The following TBCD variants were observed in gnomAD, a reference collection of about 807,000 sequenced individuals.
TBCD encodes the protein tubulin-specific chaperone D.
A neutral mutation model predicts 169.3 loss-of-function variants in TBCD; 105 were observed. That is an observed-to-expected ratio of 0.62 (90% CI 0.53 to 0.73). The LOEUF (loss-of-function observed/expected upper bound fraction) is 0.73. Ranked by LOEUF, TBCD falls within the 30% of genes least tolerant of loss-of-function variation. TBCD has a pLI of 0.00. For missense variants in TBCD, 1,444 were observed against 1,600.1 expected (o/e 0.90, Z 1.66); for synonymous variants, 700 against 643.9 (o/e 1.09, Z -1.32).
chr17:82,910,567 A>C lies in TBCD; in HGVS notation c.2007-1191A>C, dbSNP rs551197071. On this transcript the variant is annotated intron_variant, in intron 22 of 38. Transcript: ENST00000355528. Reference sequence around the variant, plus strand: ...CTGTGGTTCACTTTTCTTTTCTCTTAGTGACTTTTTTTTTTTGGAGAAGCA... The same window carrying C: ...CTGTGGTTCACTTTTCTTTTCTCTTCGTGACTTTTTTTTTTTGGAGAAGCA... Among the ~76,000 whole-genome samples the C allele has an allele frequency of 2.0e-5, 3 of 149,772 alleles. No individual in the cohort carries two copies. The South Asian group carries it at 6.4e-4, about 32-fold the overall frequency.
intron 17 of TBCD, among the ~76,000 whole-genome samples, chr17:82,900,168 C>G (rs903589335): frequency 6.6e-6 from 1 of 152,338 alleles, no homozygotes; most frequent in South Asian, 2.1e-4. Context: ...GGAGCCCCCC[C>G]ATGTCTGCTC....
intron 14 of TBCD, among the ~76,000 whole-genome samples, chr17:82,872,412 C>T (rs1198583637): frequency 6.6e-6 from 1 of 152,202 alleles, no homozygotes; most frequent in East Asian, 1.9e-4. Flanking sequence ...TGCTGGTGGT[C>T]TTCAGGGAGC....
intron 13 of TBCD, among the ~76,000 whole-genome samples, chr17:82,855,223 G>A (rs1428608902): frequency 3.5e-5 from 5 of 144,224 alleles, no homozygotes; most frequent in Non-Finnish European, 6.0e-5. Context: ...GAGGGGCAGG[G>A]AAAGGTGTTT....
intron 13 of TBCD, among the ~76,000 whole-genome samples, chr17:82,817,305 T>TG (rs994641017): frequency 6.6e-6 from 1 of 151,876 alleles, no homozygotes; most frequent in Admixed American, 6.5e-5. Context: ...AACTTTTTTT[T>TG]CTTTTTTTGA....
chr17:82,870,521 C>A, intron 14 of TBCD, 141 bp downstream of exon 14: 1 of 1,151,054 alleles, frequency 8.7e-7, no homozygotes, highest in African/African-American at 1.6e-5. Flanking sequence ...ACAAAGCCAC[C>A]GCTTGGAGGT....
chr17:82,811,649 C>T (rs1209398142), intron 12 of TBCD, among the ~76,000 whole-genome samples: 2 of 152,028 alleles, frequency 1.3e-5, no homozygotes, highest in Admixed American at 6.6e-5. Flanking sequence ...CATAAAAAGG[C>T]GGCTCTGGAC....
intron 12 of TBCD, among the ~76,000 whole-genome samples, chr17:82,813,065 C>T (rs996864896): frequency 1.4e-5 from 2 of 141,618 alleles, no homozygotes; most frequent in Middle Eastern, 7.4e-3. Flanking sequence ...TCAAGCAGTC[C>T]TCTTGCCTCG....
intron 14 of TBCD, among the ~76,000 whole-genome samples, chr17:82,883,146 G>A (rs1014603445): frequency 3.9e-4 from 59 of 152,248 alleles, no homozygotes; most frequent in Non-Finnish European, 1.2e-4. Flanking sequence ...ATGTTGACGC[G>A]GGCCCCGCCC....
In TBCD at chr17:82,923,817, C is replaced by G; in HGVS notation, c.2260+84C>G. The G allele has an allele frequency of 8.4e-7, 1 of 1,191,260 alleles. No homozygotes were observed. Among genetic ancestry groups the G allele is most frequent in the Non-Finnish European group, 1.2e-6 (1 of 842,246 alleles). The allele number at this position is 1,191,260 out of a possible 1,614,324, so 73.8% of individuals were successfully genotyped here. A position where few individuals can be genotyped will look rare whatever the true frequency, so the allele number is the denominator to read the frequency against. ...GAGTGTCTGGGCACGGAGGAGGCCT[C>G]GGTTGTGCAGTGGAGCAGAGCCACC... is the stretch of plus-strand genomic sequence containing the variant. On this transcript the variant is annotated intron_variant, in intron 26 of 38. Coordinates refer to ENST00000355528, the MANE Select transcript of TBCD (RefSeq NM_005993.5). This position sits in a 1 kb window ranked among gnomAD's most constrained non-coding sequence, Gnocchi z 4.6.
chr17:82,904,144 T>G (rs1300213615), intron 19 of TBCD, among the ~76,000 whole-genome samples: 1 of 120,122 alleles, frequency 8.3e-6, no homozygotes, highest in Non-Finnish European at 1.8e-5. Context: ...ACGACACTCC[T>G]TGGTCTCTAG....
At chr17:82,814,001 A>G (rs768539320) in intron 12 of TBCD, among the ~76,000 whole-genome samples, 3 of 152,216 alleles carry the variant, frequency 2.0e-5, no homozygotes, top group Non-Finnish European at 4.4e-5. Flanking sequence ...TTTCCTAAAC[A>G]TTTATTTGCT....
intron 13 of TBCD, chr17:82,865,366 C>G: frequency 4.0e-6 from 3 of 753,122 alleles, no homozygotes; most frequent in Non-Finnish European, 4.9e-6. Flanking sequence ...AGGCTCCACG[C>G]TGAGGGTCCC....
In TBCD at chr17:82,830,853, A is replaced by G. The variant is rs565229029; in HGVS notation, c.1318+15919A>G. The G allele has an allele frequency of 3.1e-6, 5 of 1,612,876 alleles. No homozygotes were observed. The Admixed American group carries it at 8.3e-5, about 27-fold the overall frequency. The stretch of plus-strand genomic sequence containing the variant: ...GAGAGGCGCTTCCGGTCGGAGCAGG[A>G]GGGTCTCCGTTCACAACATTGAGGC... On this transcript the variant is annotated intron_variant, in intron 13 of 38. Coordinates refer to ENST00000355528, the MANE Select transcript of TBCD (RefSeq NM_005993.5).
intron 13 of TBCD, among the ~76,000 whole-genome samples, chr17:82,852,512 A>G (rs186759653): frequency 1.5e-3 from 234 of 152,092 alleles, no homozygotes; most frequent in Admixed American, 4.6e-3. Flanking sequence ...CTGGGCCTGC[A>G]GGCGCTGCCT....
At chr17:82,841,791 C>T (rs1022308767) in intron 13 of TBCD, among the ~76,000 whole-genome samples, 11 of 152,162 alleles carry the variant, frequency 7.2e-5, no homozygotes, top group Admixed American at 2.6e-4. Context: ...GAGGTGGCTC[C>T]GTGGGAGAAA....
In TBCD at chr17:82,840,962, T is replaced by G. The variant is rs1434947797; in HGVS notation, c.1318+26028T>G. On this transcript the variant is annotated intron_variant, in intron 13 of 38. Transcript: ENST00000355528. ...CCAGGACAGACAAACTGGTTTTTTT[T>G]TTTTTTTTTTTTTTTTTTTTTGAGA... Among the ~76,000 whole-genome samples, 8 of 130,492 alleles carry G rather than the reference T, an allele frequency of 6.1e-5. 1 individual carries two copies. The East Asian group carries it at 1.3e-3, about 22-fold the overall frequency. The allele number at this position is 130,492 out of a possible 152,430, so 85.6% of individuals were successfully genotyped here.
At chr17:82,845,219 C>T (rs1415546652) in intron 13 of TBCD, among the ~76,000 whole-genome samples, 2 of 152,174 alleles carry the variant, frequency 1.3e-5, no homozygotes, top group Admixed American at 6.5e-5. Context: ...AGGACATGGC[C>T]GGCTCGGCCC....
chr17:82,795,341 C>A, intron 7 of TBCD: 1 of 158,042 alleles, frequency 6.3e-6, no homozygotes, highest in Non-Finnish European at 1.4e-5. Context: ...TAGCCTGTTG[C>A]TGAGAGAGAC....
Position 82,806,466 on chromosome 17 carries a change from C to T in TBCD, c.1087+455C>T, listed in dbSNP as rs1008051350. Among the ~76,000 whole-genome samples the T allele has an allele frequency of 6.6e-6, 1 of 152,126 alleles. No individual in the cohort carries two copies. Among genetic ancestry groups the T allele is most frequent in the Non-Finnish European group, 1.5e-5 (1 of 68,022 alleles). On this transcript the variant is annotated intron_variant, in intron 10 of 38. Coordinates refer to ENST00000355528, the MANE Select transcript of TBCD (RefSeq NM_005993.5). The surrounding 1 kb of genome is among the most constrained non-coding windows in gnomAD (Gnocchi z 5.1). ...CTGCCCTGTTCTCCTCCTGTGGGGT[C>T]TCCTGCTGCACAGAGACAGAGCCAT...
Sources: allele counts gnomAD v4.1 joint callset (sites outside exome capture counted in the v4.1 genomes callset), GRCh38; gene constraint gnomAD v4.1.1; non-coding constraint Gnocchi (gnomAD v3.1); transcripts MANE v1.5; gene names NCBI Gene and HGNC (gene_info 2026-07-23, HGNC 2026-07-21).